The following NDST1 variants were observed in gnomAD, a reference collection of about 807,000 sequenced individuals.
The protein encoded by NDST1 is N-deacetylase and N-sulfotransferase 1.
Under a neutral mutation model 92.8 loss-of-function variants are expected in NDST1, and 35 were observed. That is an observed-to-expected ratio of 0.38 (90% CI 0.29 to 0.50). NDST1 has a LOEUF of 0.50. Ranked by LOEUF, NDST1 falls within the 20% of genes least tolerant of loss-of-function variation. The probability of loss-of-function intolerance (pLI) is 0.94; values close to 1 mark genes in which losing one functional copy is unlikely to be tolerated. For synonymous variants in NDST1, 493 were observed against 500.3 expected (o/e 0.99, Z 0.19); for missense variants, 822 against 1,182.7 (o/e 0.69, Z 4.47).
chr5:150,506,720 G>A (rs1350105779), upstream of NDST1, among the ~76,000 whole-genome samples: 11 of 150,444 alleles, frequency 7.3e-5, no homozygotes, highest in Middle Eastern at 3.4e-3. Flanking sequence ...TGCCAGCTGC[G>A]CCTCCATGTA....
intron 6 of NDST1, among the ~76,000 whole-genome samples, chr5:150,537,903 G>C (rs1244183032): frequency 6.6e-6 from 1 of 152,130 alleles, no homozygotes; most frequent in Non-Finnish European, 1.5e-5. Context: ...GACACTTAGG[G>C]AAAATAGAAA....
chr5:150,501,160 A>T (rs1281700005), intron 1 of NDST1, among the ~76,000 whole-genome samples: 1 of 152,160 alleles, frequency 6.6e-6, no homozygotes, highest in South Asian at 2.1e-4. Flanking sequence ...TCCGCCTGAC[A>T]CTGGGCTTCG....
At chr5:150,540,787 C>T (rs557097228) in intron 8 of NDST1, among the ~76,000 whole-genome samples, 5 of 152,286 alleles carry the variant, frequency 3.3e-5, no homozygotes, top group African/African-American at 1.2e-4. Context: ...TGTACTCCAG[C>T]CTGGGCAACA....
In NDST1 at chr5:150,542,885, T is replaced by C. The variant is rs758943848; in HGVS notation, c.1884T>C (p.Pro628=). 7.4e-6 allele frequency: 12 copies of C among 1,614,148 alleles called. No homozygotes were observed. The highest frequency in any genetic ancestry group is 1.0e-5 in the Non-Finnish European group (12 of 1,180,000). The change falls in exon 10 of 15, where the codon CCT becomes CCC. Residue 628 remains proline (P), a synonymous_variant. Coordinates refer to ENST00000261797, the MANE Select transcript of NDST1 (RefSeq NM_001543.5). ...TALYLFLGMH[P]DLSSNYPSSE... ...TCTACCTGTTCCTGGGCATGCACCC[T>C]GACCTAAGCAGCAACTACCCCAGCT...
chr5:150,542,509 C>A (rs940634127), intron 9 of NDST1, among the ~76,000 whole-genome samples: 1 of 152,216 alleles, frequency 6.6e-6, no homozygotes, highest in Non-Finnish European at 1.5e-5. Flanking sequence ...ACCAGCTCTT[C>A]TGGGATGCTG....
chr5:150,551,509 G>A (rs566940712), intron 13 of NDST1, among the ~76,000 whole-genome samples: 6 of 152,178 alleles, frequency 3.9e-5, no homozygotes, highest in South Asian at 4.1e-4. Context: ...GTGGCTGGTC[G>A]GGCTGGAGGA....
At chr5:150,539,520 G>C (rs1755148159) in intron 7 of NDST1, 164 bp downstream of exon 7, 1 of 1,517,144 alleles carries the variant, frequency 6.6e-7, no homozygotes. Context: ...TCGGCTGTGT[G>C]ACCTTGGCTA....
chr5:150,527,544 T>A (rs1581376776), intron 2 of NDST1, among the ~76,000 whole-genome samples: 1 of 152,238 alleles, frequency 6.6e-6, no homozygotes, highest in Non-Finnish European at 1.5e-5. Flanking sequence ...GAGAGCAGTG[T>A]CTCCATCTGG....
At chr5:150,531,500 C>CTT (rs35747232) in intron 3 of NDST1, among the ~76,000 whole-genome samples, 15 of 131,134 alleles carry the variant, frequency 1.1e-4, no homozygotes, top group South Asian at 2.5e-4. Context: ...CTTTTTCTCT[C>CTT]TTTTTTTTTT....
In NDST1 at chr5:150,541,647, C is replaced by G. The variant is rs1755253335; in HGVS notation, c.1827C>G (p.Ile609Met). 6.2e-7 allele frequency: 1 copy of G among 1,614,212 alleles called. No homozygotes were observed. The highest frequency in any genetic ancestry group is 8.5e-7 in the Non-Finnish European group (1 of 1,180,040). ...KTCDRFPKLL[I>M]IGPQKTGTTA... is the part of the protein sequence containing the mutation. ...GTGACCGCTTCCCAAAGCTCCTCAT[C>G]ATCGGCCCCCAGAAAACAGGCAGGT... The change falls in exon 9 of 15, where the codon ATC becomes ATG. Residue 609 changes from isoleucine to methionine, a missense_variant. Ile to Met is a conservative substitution (Grantham distance 10). Transcript: ENST00000261797.
In NDST1 at chr5:150,534,884, G is replaced by T. The variant is rs377365968; in HGVS notation, c.1114G>T (p.Ala372Ser). ...FFHTGTNAEDAGDDLLLSYVK... is the reference protein window; with the variant it reads ...FFHTGTNAEDSGDDLLLSYVK... ...TGCTGCAGGTACCAATGCTGAGGAC[G>T]CTGGGGATGATCTGCTGCTGTCGTA... Residue 372 changes from alanine to serine, a missense_variant, in exon 5 of 15, where the codon GCT (alanine) becomes TCT (serine). Coordinates refer to ENST00000261797, the MANE Select transcript of NDST1 (RefSeq NM_001543.5). 1.2e-5 allele frequency: 19 copies of T among 1,614,152 alleles called. No homozygotes were observed. In the Admixed American group the frequency reaches 2.3e-4, roughly 20 times the overall value.
chr5:150,543,400 G>A (rs1755336581), intron 10 of NDST1, among the ~76,000 whole-genome samples: 1 of 152,192 alleles, frequency 6.6e-6, no homozygotes, highest in South Asian at 2.1e-4. Context: ...GTCACTTGGG[G>A]AAGTCATTAA....
At chr5:150,513,222 G>A (rs1181607972) in intron 1 of NDST1, among the ~76,000 whole-genome samples, 3 of 152,114 alleles carry the variant, frequency 2.0e-5, no homozygotes, top group African/African-American at 7.2e-5. Flanking sequence ...TGGGCACAGT[G>A]GCTCACGTCT....
intron 1 of NDST1, among the ~76,000 whole-genome samples, chr5:150,516,529 G>A (rs1182524012): frequency 1.3e-5 from 2 of 152,182 alleles, no homozygotes; most frequent in African/African-American, 2.4e-5. Context: ...AGATTACATA[G>A]CTACTAAATG....
intron 1 of NDST1, among the ~76,000 whole-genome samples, chr5:150,520,627 G>A (rs1028658023): frequency 6.6e-5 from 10 of 152,104 alleles, no homozygotes; most frequent in African/African-American, 1.9e-4. Flanking sequence ...GTTTACAAAC[G>A]TTGTTGGACT....
chr5:150,551,734 G>A lies in NDST1; in HGVS notation c.2427-19G>A, dbSNP rs1480718706. On this transcript the variant is annotated intron_variant, in intron 13 of 14. Transcript: ENST00000261797. Reference sequence around the variant, plus strand: ...GTGGCTGAGCCAGCTCCCATCCAAAGACTTTCCCACCTCCACAGGTTTGAT... The same window carrying A: ...GTGGCTGAGCCAGCTCCCATCCAAAAACTTTCCCACCTCCACAGGTTTGAT... 69 of 1,611,234 alleles carry A rather than the reference G, an allele frequency of 4.3e-5. No individual in the cohort carries two copies. The highest frequency in any genetic ancestry group is 5.7e-5 in the Non-Finnish European group (67 of 1,178,092).
In NDST1 at chr5:150,540,241, G is replaced by A. The variant is rs151090184; in HGVS notation, c.1726G>A (p.Glu576Lys). 9.9e-6 allele frequency: 16 copies of A among 1,610,876 alleles called. No homozygotes were observed. Among genetic ancestry groups the A allele is most frequent in the Middle Eastern group, 1.7e-4 (1 of 5,846 alleles). ...LAQKYFQIFSEEKDPLWQDPC... is the reference protein window; with the variant it reads ...LAQKYFQIFSKEKDPLWQDPC... ...GCAGAAGTACTTCCAGATCTTCTCC[G>A]AGGAGAAGGACCCGCTCTGGCAGGT... Residue 576 changes from glutamate (E) to lysine (K), a missense_variant, in exon 8 of 15, where the codon GAG becomes AAG. Coordinates refer to ENST00000261797, the MANE Select transcript of NDST1 (RefSeq NM_001543.5).
chr5:150,540,310 C>T (rs1378698489), intron 8 of NDST1, 46 bp downstream of exon 8: 4 of 1,550,026 alleles, frequency 2.6e-6, no homozygotes, highest in Non-Finnish European at 3.5e-6. Flanking sequence ...GGATGGAACG[C>T]CACCACTCAC....
At chr5:150,549,067 A>C (rs1441006294) in intron 12 of NDST1, among the ~76,000 whole-genome samples, 2 of 152,214 alleles carry the variant, frequency 1.3e-5, no homozygotes, top group African/African-American at 4.8e-5. Context: ...GCTGGAGTGC[A>C]GTGGCACGAT....
Sources: gnomAD v4.1 joint callset for allele counts (sites outside exome capture counted in the v4.1 genomes callset) on GRCh38, gnomAD v4.1.1 for gene constraint, MANE v1.5 for transcripts, NCBI Gene and HGNC (gene_info 2026-07-23, HGNC 2026-07-21) for gene names.